Variants in ERRFI1 observed in about 807,000 individuals in gnomAD.
ERRFI1 encodes ERBB receptor feedback inhibitor 1, also known as mitogen-inducible gene 6 protein.
ERRFI1 carries 12 observed loss-of-function variants against 14.6 expected under a neutral mutation model. The ratio of observed to expected loss-of-function variants is 0.82; its 90% CI spans 0.53 to 1.33. The LOEUF is 1.33. Among genes scored for constraint, ERRFI1 ranks in the 40% most tolerant of loss-of-function variants. The pLI is 0.00. For synonymous variants in ERRFI1, 202 were observed against 209.9 expected (o/e 0.96, Z 0.32); for missense variants, 482 against 572.1 (o/e 0.84, Z 1.61).
intron 1 of ERRFI1, among the ~76,000 whole-genome samples, chr1:8,023,961 G>C (rs1450482967): frequency 6.6e-6 from 1 of 152,180 alleles, no homozygotes; most frequent in Non-Finnish European, 1.5e-5. Flanking sequence ...GGATCCAGAT[G>C]ATGAGGTACC....
At chr1:8,025,286 G>C (rs1324703534) in intron 1 of ERRFI1, among the ~76,000 whole-genome samples, 1 of 152,120 alleles carries the variant, frequency 6.6e-6, no homozygotes. Context: ...CACCATTCAC[G>C]GTTAAAGAGT....
At chr1:8,015,232 G>T in intron 3 of ERRFI1, 76 bp downstream of exon 3, 1 of 1,297,024 alleles carries the variant, frequency 7.7e-7, no homozygotes, top group East Asian at 2.3e-5. Context: ...AAAAAATAAT[G>T]CTGGAGGACA....
chr1:8,019,708 T>C (rs1331827680), intron 1 of ERRFI1, among the ~76,000 whole-genome samples: 1 of 152,228 alleles, frequency 6.6e-6, no homozygotes, highest in Non-Finnish European at 1.5e-5. Context: ...GTGAGGCGAC[T>C]GCCCAATAAT....
At chr1:8,026,136 C>G (rs1258191796) in intron 1 of ERRFI1, 22 bp downstream of exon 1, 4 of 151,786 alleles carry the variant, frequency 2.6e-5, no homozygotes, top group Non-Finnish European at 5.9e-5. Flanking sequence ...TCCCCACCCC[C>G]TCAGCGCGCC....
chr1:8,013,491 C>T lies in ERRFI1; in HGVS notation c.1108G>A (p.Glu370Lys), dbSNP rs547029591. The part of the protein sequence containing the change: ...SSKALQRQNS[E>K]GSASKVPCIL... ...CAAGGAACCTTACTGGCAGATCCTT[C>T]GCTGTTCTGTCTTTGCAGTGCTTTG... The change falls in exon 4 of 4, where the codon GAA becomes AAA. Residue 370 changes from glutamate (E) to lysine (K), a missense_variant. Physicochemically the swap from Glu to Lys is moderately conservative, Grantham distance 56. Transcript: ENST00000377482. This position sits in a 1 kb window ranked among gnomAD's most constrained non-coding sequence, Gnocchi z 4.3. 13 of 1,614,148 alleles carry T rather than the reference C, an allele frequency of 8.1e-6. No individual in the cohort carries two copies. The highest frequency in any genetic ancestry group is 6.6e-5 in the South Asian group (6 of 91,086).
In ERRFI1 at chr1:8,012,206, G is replaced by T. The variant is rs925222480; in HGVS notation, c.*1004C>A. ...AAGCAAACAATCCCCAGGAAATACT[G>T]AATAGGAACCAGCAACACAAGGCCA... On this transcript the variant is annotated 3_prime_UTR_variant, in exon 4 of 4. Coordinates refer to ENST00000377482, the MANE Select transcript of ERRFI1 (RefSeq NM_018948.4). 1 of 228,142 alleles carries T rather than the reference G, an allele frequency of 4.4e-6. No homozygotes were observed. The highest frequency in any genetic ancestry group is 8.7e-6 in the Non-Finnish European group (1 of 114,856). The allele number at this position is 228,142 out of a possible 1,614,324, so 14.1% of individuals were successfully genotyped here.
rs146497916 is a variant in ERRFI1, at chr1:8,013,064, A to C, written c.*146T>G. On this transcript the variant is annotated 3_prime_UTR_variant, in exon 4 of 4. Coordinates refer to ENST00000377482, the MANE Select transcript of ERRFI1 (RefSeq NM_018948.4). This position sits in a 1 kb window ranked among gnomAD's most constrained non-coding sequence, Gnocchi z 4.3. ...GTTTCTCAGCATAACAGCATCTCAC[A>C]ACTGCTCTAAACCTTCCACATGAAG... 189 of 714,964 alleles carry C rather than the reference A, an allele frequency of 2.6e-4. 1 individual carries two copies. Among genetic ancestry groups the C allele is most frequent in the Middle Eastern group, 7.5e-4 (3 of 3,982 alleles). 44.3% of individuals were successfully genotyped at this position (714,964 alleles called of 1,614,324 possible). A position where few individuals can be genotyped will look rare whatever the true frequency, so the allele number is the denominator to read the frequency against.
At chr1:8,022,168 A>G (rs1472205121) in intron 1 of ERRFI1, among the ~76,000 whole-genome samples, 1 of 152,122 alleles carries the variant, frequency 6.6e-6, no homozygotes, top group African/African-American at 2.4e-5. Context: ...ACTTCAAACA[A>G]CTATTTTGAA....
intron 1 of ERRFI1, among the ~76,000 whole-genome samples, chr1:8,021,903 C>G (rs1282818629): frequency 6.6e-6 from 1 of 152,202 alleles, no homozygotes; most frequent in African/African-American, 2.4e-5. Flanking sequence ...CACACTGCCT[C>G]TTCCTGTCCC....
At chr1:8,021,926 A>C (rs1641278807) in intron 1 of ERRFI1, among the ~76,000 whole-genome samples, 1 of 152,156 alleles carries the variant, frequency 6.6e-6, no homozygotes, top group African/African-American at 2.4e-5. Context: ...CGGCTTTTTA[A>C]ACTGGCGAAG....
intron 1 of ERRFI1, among the ~76,000 whole-genome samples, chr1:8,022,869 T>C (rs545665496): frequency 3.9e-5 from 6 of 152,184 alleles, no homozygotes; most frequent in Admixed American, 6.5e-5. Flanking sequence ...AGGTGAAAAA[T>C]AGAGATGGCT....
At chr1:8,015,104 C>T in intron 3 of ERRFI1, 1 of 567,050 alleles carries the variant, frequency 1.8e-6, no homozygotes, top group Non-Finnish European at 3.2e-6. Flanking sequence ...ACTTAGCAAT[C>T]AGTGACTCAG....
intron 3 of ERRFI1, 69 bp downstream of exon 3, chr1:8,015,239 G>T: frequency 7.2e-7 from 1 of 1,382,972 alleles, no homozygotes; most frequent in Non-Finnish European, 1.0e-6. Context: ...AATGCTGGAG[G>T]ACAAGCTAAC....
intron 1 of ERRFI1, 109 bp from the exon 2 acceptor site, chr1:8,015,801 GA>G: frequency 1.5e-6 from 1 of 665,954 alleles, no homozygotes; most frequent in Non-Finnish European, 2.4e-6. Context: ...ATGCTGAATA[GA>G]AAAAATTAGT....
chr1:8,025,695 G>A (rs556596469), intron 1 of ERRFI1, among the ~76,000 whole-genome samples: 1 of 152,000 alleles, frequency 6.6e-6, no homozygotes, highest in South Asian at 2.1e-4. Flanking sequence ...CAGGCCCGAA[G>A]ACGCTCATCC....
chr1:8,011,948 C>T lies in ERRFI1; in HGVS notation c.*1262G>A, dbSNP rs1282716268. 1 of 227,824 alleles carries T rather than the reference C, an allele frequency of 4.4e-6. No homozygotes were observed. Among genetic ancestry groups the T allele is most frequent in the Non-Finnish European group, 8.7e-6 (1 of 114,502 alleles). 14.1% of individuals were successfully genotyped at this position (227,824 alleles called of 1,614,324 possible). A position where few individuals can be genotyped will look rare whatever the true frequency, so the allele number is the denominator to read the frequency against. The stretch of plus-strand genomic sequence containing the variant: ...TTTAAACTGTAAACAGCTTGTTTAA[C>T]TGTTAAGAGAACATTGCAGTAATGT... On this transcript the variant is annotated 3_prime_UTR_variant, in exon 4 of 4. Coordinates refer to ENST00000377482, the MANE Select transcript of ERRFI1 (RefSeq NM_018948.4).
intron 1 of ERRFI1, among the ~76,000 whole-genome samples, chr1:8,025,652 T>C (rs1475864039): frequency 1.3e-5 from 2 of 151,966 alleles, no homozygotes; most frequent in Non-Finnish European, 2.9e-5. Context: ...GCAACCCCCT[T>C]TTTACAAATA....
rs550570333 is a variant in ERRFI1 at position 8,012,125 on chromosome 1, T to G, written c.*1085A>C. On this transcript the variant is annotated 3_prime_UTR_variant, in exon 4 of 4. Transcript: ENST00000377482. ...AGTTTTCAAAGCAGAAAGATGCTGA[T>G]GTGACCTCTGGAATTCAGACATACT... is the stretch of plus-strand genomic sequence containing the variant. The G allele has an allele frequency of 8.7e-6, 2 of 230,498 alleles. No homozygotes were observed. The highest frequency in any genetic ancestry group is 5.7e-5 in the Admixed American group (1 of 17,696). The allele number at this position is 230,498 out of a possible 1,614,324, so 14.3% of individuals were successfully genotyped here.
intron 1 of ERRFI1, among the ~76,000 whole-genome samples, chr1:8,023,469 G>A (rs868775841): frequency 9.6e-4 from 146 of 152,214 alleles, no homozygotes; most frequent in African/African-American, 3.3e-3. Context: ...TGTAGTGACA[G>A]GGTTTCACCA....
Sources: allele counts gnomAD v4.1 joint callset (sites outside exome capture counted in the v4.1 genomes callset), GRCh38; gene constraint gnomAD v4.1.1; non-coding constraint Gnocchi (gnomAD v3.1); transcripts MANE v1.5; gene names NCBI Gene and HGNC (gene_info 2026-07-23, HGNC 2026-07-21).